SYNE1: variants seen among roughly 807,000 people sequenced by gnomAD.
SYNE1 encodes the protein nesprin-1.
In SYNE1, 616 loss-of-function variants were observed where a neutral mutation model predicts 1,111.0. The observed-to-expected ratio is 0.55, with a 90% CI of 0.52 to 0.59. The LOEUF (loss-of-function observed/expected upper bound fraction) is 0.59. Among genes scored for constraint, SYNE1 ranks in the 20% least tolerant of loss-of-function variants. The pLI is 0.00. For synonymous variants in SYNE1, 3,855 were observed against 3,825.8 expected, an observed-to-expected ratio of 1.01 and a Z score of -0.28; for missense variants, 10,006 against 10,417.0, an observed-to-expected ratio of 0.96 and a Z score of 1.72.
intron 3 of SYNE1, among the ~76,000 whole-genome samples, chr6:152,602,898 C>T (rs1448989498): frequency 1.3e-5 from 2 of 152,104 alleles, no homozygotes; most frequent in Non-Finnish European, 2.9e-5. Flanking sequence ...AGAAGTTCTC[C>T]TGTAAGAGCT....
chr6:152,546,290 C>T (rs1269745229), intron 3 of SYNE1: 1 of 152,262 alleles, frequency 6.6e-6, no homozygotes, highest in Non-Finnish European at 1.5e-5. Context: ...AAGACATTTA[C>T]AGGACCAGGC....
chr6:152,188,802 C>CA (rs1022577213), intron 128 of SYNE1, among the ~76,000 whole-genome samples: 5 of 150,396 alleles, frequency 3.3e-5, no homozygotes, highest in Non-Finnish European at 5.9e-5. Flanking sequence ...ACTAAAAATA[C>CA]AAAAAATTAG....
Position 152,208,140 on chromosome 6 carries a change from C to T in SYNE1, c.22656G>A (p.Gln7552=). Residue 7552 remains glutamine (Q), a synonymous_variant, in exon 125 of 146, where the codon CAG becomes CAA. Coordinates refer to ENST00000367255, the MANE Select transcript of SYNE1 (RefSeq NM_182961.4). ...GGCTGTCAATGATCCCCCGCCTCTG[C>T]TGGGCCCTGCGAATCACTCCCTGCC... ...NQWQGVIRRA[Q]QRRGIIDSQI... is the part of the protein sequence containing the mutation. The T allele has an allele frequency of 2.5e-6, 4 of 1,614,136 alleles. 1 individual carries two copies. The South Asian group carries it at 4.4e-5, about 18-fold the overall frequency.
chr6:152,451,336 C>G, intron 25 of SYNE1, 131 bp from the exon 26 acceptor site: 1 of 812,058 alleles, frequency 1.2e-6, no homozygotes, highest in Non-Finnish European at 2.0e-6. Flanking sequence ...TGGGTCACTA[C>G]TTTCCACACC....
chr6:152,296,264 C>T (rs11970285), intron 93 of SYNE1, among the ~76,000 whole-genome samples: 11,557 of 152,192 alleles, frequency 0.076, 1,427 homozygotes, highest in African/African-American at 0.26. Context: ...GTTCTCCTCC[C>T]AGCTTTCTAG....
At chr6:152,353,225 G>A (rs766991607) in intron 69 of SYNE1, 38 bp downstream of exon 69, 9 of 1,613,138 alleles carry the variant, frequency 5.6e-6, no homozygotes, top group South Asian at 2.2e-5. Context: ...CTTGGTGAAC[G>A]GAAAGGTTGG....
At position 152,242,308 on chromosome 6, in the gene SYNE1, T is replaced by A; in HGVS notation, c.19825A>T (p.Met6609Leu). The change falls in exon 107 of 146, where the codon ATG becomes TTG. Residue 6609 changes from methionine (M) to leucine (L), a missense_variant. By Grantham distance (15) the Met-to-Leu change is conservative (BLOSUM62 2). This residue lies in a region of SYNE1 where 2,182 missense variants were observed against 2,287.8 expected (regional missense o/e 0.95). Transcript: ENST00000367255. The stretch of plus-strand genomic sequence containing the variant: ...ACGATGATTTTCTGGTCTCCTGCCA[T>A]CTTCTCCTGACCAGTTTCTAGCAGG... ...ADLLETGQEK[M>L]AGDQKIIVSS... The A allele has an allele frequency of 6.2e-7, 1 of 1,614,148 alleles. No homozygotes were observed. Among genetic ancestry groups the A allele is most frequent in the Non-Finnish European group, 8.5e-7 (1 of 1,180,022 alleles).
chr6:152,396,208 C>T (rs775684779), intron 50 of SYNE1, among the ~76,000 whole-genome samples: 6 of 152,186 alleles, frequency 3.9e-5, no homozygotes, highest in Admixed American at 6.5e-5. Context: ...TCAAATATAT[C>T]TCAAGAGCTC....
intron 3 of SYNE1, among the ~76,000 whole-genome samples, chr6:152,542,370 T>G (rs2099275431): frequency 6.6e-6 from 1 of 152,220 alleles, no homozygotes; most frequent in Non-Finnish European, 1.5e-5. Context: ...AACATGCTCA[T>G]TAATTTTCAA....
chr6:152,305,341 C>T (rs1367369720), intron 91 of SYNE1, among the ~76,000 whole-genome samples: 2 of 152,172 alleles, frequency 1.3e-5, no homozygotes, highest in Non-Finnish European at 2.9e-5. Context: ...TCTTGGCTCA[C>T]TGCAACCTCC....
At chr6:152,251,106 C>T (rs1011036153) in intron 104 of SYNE1, among the ~76,000 whole-genome samples, 7 of 152,092 alleles carry the variant, frequency 4.6e-5, no homozygotes, top group Non-Finnish European at 1.0e-4. Context: ...TGCACCACCA[C>T]GTCTGGCTAA....
chr6:152,139,299 G>A (rs1279830322), intron 140 of SYNE1, among the ~76,000 whole-genome samples: 1 of 151,962 alleles, frequency 6.6e-6, no homozygotes, highest in Non-Finnish European at 1.5e-5. Flanking sequence ...GGCCGGGCAC[G>A]GTGGCTCATG....
At chr6:152,452,883 C>G (rs923011815) in intron 25 of SYNE1, among the ~76,000 whole-genome samples, 1 of 152,212 alleles carries the variant, frequency 6.6e-6, no homozygotes, top group Non-Finnish European at 1.5e-5. Context: ...TGCTTTCTCC[C>G]TTCTGTGCTG....
intron 108 of SYNE1, among the ~76,000 whole-genome samples, chr6:152,238,119 T>C (rs1380893383): frequency 6.6e-6 from 1 of 152,152 alleles, no homozygotes; most frequent in East Asian, 1.9e-4. Context: ...TATGGTATAA[T>C]AGAGTTCTTG....
At chr6:152,571,439 T>C (rs931790493) in intron 3 of SYNE1, among the ~76,000 whole-genome samples, 6 of 152,186 alleles carry the variant, frequency 3.9e-5, no homozygotes, top group Non-Finnish European at 8.8e-5. Flanking sequence ...GGAGAATACA[T>C]GTATATGAAT....
At position 152,226,013 on chromosome 6, in the gene SYNE1, C is replaced by A; in HGVS notation, c.21196-137G>T. On this transcript the variant is annotated intron_variant, in intron 115 of 145. Transcript: ENST00000367255. ...AAGCTTATCTCTTTCAGAAGAGGCA[C>A]GCTGCAGAAGTACTTCTTCCTACAC... 6.1e-6 allele frequency: 5 copies of A among 823,646 alleles called. No individual in the cohort carries two copies. The East Asian group carries it at 1.1e-4, about 18-fold the overall frequency. 51.0% of individuals were successfully genotyped at this position (823,646 alleles called of 1,614,324 possible). A position where few individuals can be genotyped will look rare whatever the true frequency, so the allele number is the denominator to read the frequency against.
At chr6:152,406,626 A>G (rs1315636903) in intron 45 of SYNE1, among the ~76,000 whole-genome samples, 2 of 152,126 alleles carry the variant, frequency 1.3e-5, no homozygotes, top group Admixed American at 1.3e-4. Context: ...ACAGCACTTC[A>G]GGAGGCTGAG....
At chr6:152,377,482 G>A (rs1418107499) in intron 56 of SYNE1, among the ~76,000 whole-genome samples, 4 of 150,468 alleles carry the variant, frequency 2.7e-5, no homozygotes, top group East Asian at 2.0e-4. Flanking sequence ...GGTGGTGGGC[G>A]CCTGTAATCC....
At chr6:152,247,854 TAACACACA>T (rs58179067) in intron 105 of SYNE1, among the ~76,000 whole-genome samples, 59,744 of 133,476 alleles carry the variant, frequency 0.45, 12,504 homozygotes, top group African/African-American at 0.52. Context: ...AGGTGTTCTT[TAACACACA>T]CACACACACA....
Sources: gnomAD v4.1 joint callset for allele counts (sites outside exome capture counted in the v4.1 genomes callset) on GRCh38, gnomAD v4.1.1 for gene constraint, gnomAD v4.1.1 regional missense constraint, MANE v1.5 for transcripts, NCBI Gene and HGNC (gene_info 2026-07-23, HGNC 2026-07-21) for gene names.